The following ZNF558 variants were observed in gnomAD, a reference collection of about 807,000 sequenced individuals.
ZNF558 encodes zinc finger protein 558.
ZNF558 carries 23 observed loss-of-function variants against 37.6 expected under a neutral mutation model. The observed-to-expected ratio is 0.61, with a 90% CI of 0.44 to 0.87. The LOEUF is 0.87. ZNF558 is among the 40% of genes least tolerant of loss of function. ZNF558 has a pLI of 0.00. For missense variants in ZNF558, 429 were observed against 483.7 expected, an observed-to-expected ratio of 0.89 and a Z score of 1.06; for synonymous variants, 189 against 174.4, an observed-to-expected ratio of 1.08 and a Z score of -0.66.
Position 8,821,102 on chromosome 19 carries a change from C to T in ZNF558, c.247+78G>A, listed in dbSNP as rs1484757815. 2.4e-5 allele frequency: 37 copies of T among 1,551,294 alleles called. No homozygotes were observed. In the East Asian group the frequency reaches 8.2e-4, roughly 34 times the overall value. ...ATTTTATGTTGTATGGATTTTACCA[C>T]AATAAAAAAAGTAAGCAAAGCAGGC... On this transcript the variant is annotated intron_variant, in intron 7 of 9. Coordinates refer to ENST00000601372, the MANE Select transcript of ZNF558 (RefSeq NM_144693.3).
chr19:8,818,966 C>T (rs762286040), intron 7 of ZNF558, among the ~76,000 whole-genome samples: 4 of 152,208 alleles, frequency 2.6e-5, no homozygotes, highest in Admixed American at 1.3e-4. Context: ...GATATACACA[C>T]ATGCAAAAGA....
chr19:8,827,577 T>C (rs1379982839), intron 2 of ZNF558, among the ~76,000 whole-genome samples: 5 of 128,216 alleles, frequency 3.9e-5, no homozygotes, highest in Non-Finnish European at 7.8e-5. Context: ...TATTCTTTTT[T>C]TTTTTTTTTT....
In ZNF558 at chr19:8,811,784, A is replaced by G. The variant is rs1166985120; in HGVS notation, c.706T>C (p.Tyr236His). ...ACGTGAAAACACTGGTTACATTCAT[A>G]GGGTTTTTCTCCAGTGTGAATTCTC... ...HLRIHTGEKPYECNQCFHVFR... is the reference protein window; with the variant it reads ...HLRIHTGEKPHECNQCFHVFR... The change falls in exon 10 of 10, where the codon TAT becomes CAT. Residue 236 changes from tyrosine (Y) to histidine (H), a missense_variant. Coordinates refer to ENST00000601372, the MANE Select transcript of ZNF558 (RefSeq NM_144693.3). 6.2e-7 allele frequency: 1 copy of G among 1,614,066 alleles called. No individual in the cohort carries two copies. The highest frequency in any genetic ancestry group is 8.5e-7 in the Non-Finnish European group (1 of 1,180,034).
chr19:8,821,455 G>C, intron 6 of ZNF558, 149 bp from the exon 7 acceptor site: 1 of 1,514,522 alleles, frequency 6.6e-7, no homozygotes, highest in Non-Finnish European at 8.8e-7. Context: ...CCAGGGTTCT[G>C]AGCTCCTCTC....
intron 7 of ZNF558, among the ~76,000 whole-genome samples, chr19:8,819,215 C>T (rs1026254030): frequency 7.9e-5 from 12 of 152,188 alleles, no homozygotes; most frequent in Admixed American, 7.9e-4. Context: ...GACGGAGTCT[C>T]GTTCTGTCGC....
chr19:8,821,053 T>G, intron 7 of ZNF558, 127 bp downstream of exon 7: 1 of 1,400,682 alleles, frequency 7.1e-7, no homozygotes, highest in Non-Finnish European at 9.6e-7. Flanking sequence ...GGACTGGATA[T>G]CTTAGAATGG....
chr19:8,837,734 C>A, the ZNF558 span, among the ~76,000 whole-genome samples: 1 of 152,198 alleles, frequency 6.6e-6, no homozygotes, highest in Non-Finnish European at 1.5e-5. Flanking sequence ...ATAGTCACTT[C>A]CGGCTACCTT....
In ZNF558 at chr19:8,807,984, G is replaced by A. The variant is rs1275227519; in HGVS notation, c.*3297C>T. ...ATACCAGTTTTCTCATCTGTAAACT[G>A]GGGATAATAACATTACATACTTAAG... On this transcript the variant is annotated 3_prime_UTR_variant, in exon 10 of 10. Coordinates refer to ENST00000601372, the MANE Select transcript of ZNF558 (RefSeq NM_144693.3). 6.6e-6 allele frequency: 1 copy of A among 152,126 alleles called. No homozygotes were observed. Among genetic ancestry groups the A allele is most frequent in the Non-Finnish European group, 1.5e-5 (1 of 68,028 alleles). 9.4% of individuals were successfully genotyped at this position (152,126 alleles called of 1,614,324 possible). A position where few individuals can be genotyped will look rare whatever the true frequency, so the allele number is the denominator to read the frequency against.
chr19:8,835,707 C>T (rs1234115289), upstream of ZNF558, among the ~76,000 whole-genome samples: 2 of 152,110 alleles, frequency 1.3e-5, no homozygotes, highest in Non-Finnish European at 2.9e-5. Flanking sequence ...CATGTGTTCA[C>T]ATGACAGCTT....
chr19:8,835,823 C>T (rs1471086574), upstream of ZNF558, among the ~76,000 whole-genome samples: 1 of 152,182 alleles, frequency 6.6e-6, no homozygotes, highest in Non-Finnish European at 1.5e-5. Context: ...TATATCCACA[C>T]AACGGATTAT....
rs563003328 is a variant in ZNF558, at chr19:8,824,696, A to C, written c.-401-279T>G. Among the ~76,000 whole-genome samples the C allele has an allele frequency of 8.6e-5, 13 of 151,800 alleles. No homozygotes were observed. The South Asian group carries it at 2.7e-3, about 32-fold the overall frequency. ...GCTGGGCAGTTCTGGCCTGGGGTCC[A>C]CCCTCCTGCTTTTGAGGAGCTGTCT... On this transcript the variant is annotated intron_variant, in intron 3 of 9. Transcript: ENST00000601372.
Position 8,832,208 on chromosome 19 carries a change from C to G in ZNF558, c.-593+1G>C, listed in dbSNP as rs1033124622. 6.6e-6 allele frequency: 1 copy of G among 152,188 alleles called. No individual in the cohort carries two copies. The highest frequency in any genetic ancestry group is 1.5e-5 in the Non-Finnish European group (1 of 68,024). The allele number at this position is 152,188 out of a possible 1,614,324, so 9.4% of individuals were successfully genotyped here. A position where few individuals can be genotyped will look rare whatever the true frequency, so the allele number is the denominator to read the frequency against. ...GACCCGAGCCCCCGCCAGTCGCTCA[C>G]CGAGCCCGGCCCCTCCCGCGGGGCC... is the stretch of plus-strand genomic sequence containing the variant. On this transcript the variant is annotated splice_donor_variant, in intron 1 of 9. Coordinates refer to ENST00000601372, the MANE Select transcript of ZNF558 (RefSeq NM_144693.3). LOFTEE classifies it low-confidence loss of function (5UTR_SPLICE).
chr19:8,811,149 G>T lies in ZNF558; in HGVS notation c.*132C>A. 1 of 923,992 alleles carries T rather than the reference G, an allele frequency of 1.1e-6. No homozygotes were observed. The allele number at this position is 923,992 out of a possible 1,614,324, so 57.2% of individuals were successfully genotyped here. The stretch of plus-strand genomic sequence containing the variant: ...GTTAGAGAATAAACATTTCGTGTTT[G>T]AAGCCACAAAATTTGCGGGGATCAT... On this transcript the variant is annotated 3_prime_UTR_variant, in exon 10 of 10. Coordinates refer to ENST00000601372, the MANE Select transcript of ZNF558 (RefSeq NM_144693.3).
chr19:8,829,196 G>A (rs1464904395), intron 2 of ZNF558, among the ~76,000 whole-genome samples: 1 of 151,758 alleles, frequency 6.6e-6, no homozygotes, highest in Non-Finnish European at 1.5e-5. Flanking sequence ...GAGGCCGGGG[G>A]TTGCAGTGAG....
rs1045133718 is a variant in ZNF558 at position 8,811,473 on chromosome 19, C to T, written c.1017G>A (p.Lys339=). ...FSSSFSLTVH[K]RIHTGEKPYE... ...AGGGTTTCTCTCCGGTATGTATTCT[C>T]TTGTGCACAGTAAGAGAAAAGCTAC... The change falls in exon 10 of 10, where the codon AAG becomes AAA. Residue 339 remains lysine (K), a synonymous_variant. Coordinates refer to ENST00000601372, the MANE Select transcript of ZNF558 (RefSeq NM_144693.3). The T allele has an allele frequency of 6.2e-7, 1 of 1,614,140 alleles. No individual in the cohort carries two copies. Among genetic ancestry groups the T allele is most frequent in the Non-Finnish European group, 8.5e-7 (1 of 1,180,006 alleles).
chr19:8,818,717 C>G (rs1599268329), intron 7 of ZNF558, among the ~76,000 whole-genome samples: 1 of 152,110 alleles, frequency 6.6e-6, no homozygotes, highest in South Asian at 2.1e-4. Flanking sequence ...CATTGTGGTA[C>G]TGACCCAAGG....
chr19:8,811,298 G>A lies in ZNF558; in HGVS notation c.1192C>T (p.His398Tyr), dbSNP rs1555767823. The change falls in exon 10 of 10, where the codon CAT becomes TAT. Residue 398 changes from histidine to tyrosine, a missense_variant. Physicochemically the swap from His to Tyr is moderately conservative, Grantham distance 83. Coordinates refer to ENST00000601372, the MANE Select transcript of ZNF558 (RefSeq NM_144693.3). ...NSYLSVHKRI[H>Y]NRWI The stretch of plus-strand genomic sequence containing the variant: ...GCAGTAATTCATATCCATCTATTAT[G>A]TATTCTCTTGTGCACAGAAAGATAG... The A allele has an allele frequency of 2.5e-6, 4 of 1,581,616 alleles. No homozygotes were observed. Among genetic ancestry groups the A allele is most frequent in the Admixed American group, 1.8e-5 (1 of 54,702 alleles).
At position 8,822,728 on chromosome 19, in the gene ZNF558, G is replaced by C; in HGVS notation, c.-65-4C>G. The C allele has an allele frequency of 6.2e-7, 1 of 1,611,984 alleles. No individual in the cohort carries two copies. On this transcript the variant is annotated splice_region_variant and splice_polypyrimidine_tract_variant and intron_variant, in intron 4 of 9. Transcript: ENST00000601372. The surrounding 1 kb of genome is among the most constrained non-coding windows in gnomAD (Gnocchi z 4.4). ...TCCTCCTTTATCCCGCAGCGCTCTG[G>C]AAGAAACGGGAATGCTCCAAGTCTC...
chr19:8,829,122 C>T lies in ZNF558; in HGVS notation c.-509+2196G>A, dbSNP rs374080310. Among the ~76,000 whole-genome samples, 89 of 151,892 alleles carry T rather than the reference C, an allele frequency of 5.9e-4. No individual in the cohort carries two copies. In the South Asian group the frequency reaches 1.0e-2, roughly 17 times the overall value. On this transcript the variant is annotated intron_variant, in intron 2 of 9. Coordinates refer to ENST00000601372, the MANE Select transcript of ZNF558 (RefSeq NM_144693.3). ...ACTGAAAATACAAAAATTAACCGGG[C>T]ATGGTGGTAGGCGCCTGTAATCCCA...
Sources: gnomAD v4.1 joint callset for allele counts (sites outside exome capture counted in the v4.1 genomes callset) on GRCh38, gnomAD v4.1.1 for gene constraint, Gnocchi (gnomAD v3.1) non-coding constraint, MANE v1.5 for transcripts, NCBI Gene and HGNC (gene_info 2026-07-23, HGNC 2026-07-21) for gene names.